The following CAST variants were observed in gnomAD, a reference collection of about 807,000 sequenced individuals.
The protein encoded by CAST is calpastatin, also known as MIR583 host.
CAST carries 76 observed loss-of-function variants against 119.6 expected under a neutral mutation model. That is an observed-to-expected ratio of 0.64 (90% CI 0.53 to 0.77). The LOEUF (loss-of-function observed/expected upper bound fraction) is 0.77. Among genes scored for constraint, CAST ranks in the 30% least tolerant of loss-of-function variants. CAST has a pLI of 0.00. For synonymous variants in CAST, 319 were observed against 331.6 expected (o/e 0.96, Z 0.41); for missense variants, 953 against 946.5 (o/e 1.01, Z -0.09).
chr5:96,157,901 A>G, the CAST span, among the ~76,000 whole-genome samples: 2 of 152,222 alleles, frequency 1.3e-5, no homozygotes, highest in South Asian at 2.1e-4. Context: ...AGCAGTGGTA[A>G]TAAACATTCG....
intron 1 of CAST, among the ~76,000 whole-genome samples, chr5:96,578,476 C>G (rs2150188648): frequency 6.6e-6 from 1 of 151,978 alleles, no homozygotes; most frequent in African/African-American, 2.4e-5. Flanking sequence ...TATTTGTTTT[C>G]TGTTCATTTC....
chr5:96,196,711 G>C, the CAST span, among the ~76,000 whole-genome samples: 5 of 152,210 alleles, frequency 3.3e-5, no homozygotes, highest in Non-Finnish European at 7.4e-5. Flanking sequence ...AGGTCAAAAA[G>C]AAGGCAAGGG....
chr5:96,446,103 T>C, the CAST span, among the ~76,000 whole-genome samples: 27 of 150,272 alleles, frequency 1.8e-4, no homozygotes, highest in African/African-American at 6.6e-4. Context: ...TTCCAAATGA[T>C]ATAGTGACTC....
chr5:96,430,763 A>T, the CAST span, among the ~76,000 whole-genome samples: 1 of 152,214 alleles, frequency 6.6e-6, no homozygotes, highest in Non-Finnish European at 1.5e-5. Flanking sequence ...CATCTTAACT[A>T]AAAATGGTTA....
At chr5:96,296,565 T>A in the CAST span, among the ~76,000 whole-genome samples, 9 of 152,196 alleles carry the variant, frequency 5.9e-5, no homozygotes, top group African/African-American at 2.2e-4. Flanking sequence ...AGAGGATAGG[T>A]CTTTGCTATT....
At chr5:96,411,113 A>G in the CAST span, 8 of 779,304 alleles carry the variant, frequency 1.0e-5, no homozygotes, top group Middle Eastern at 3.6e-4. Context: ...TCTATTTTCA[A>G]TTCCAGATCT....
the CAST span, among the ~76,000 whole-genome samples, chr5:96,375,922 AATATAAATAT>A: frequency 8.2e-3 from 1,210 of 147,510 alleles, 18 homozygotes; most frequent in African/African-American, 0.028. Flanking sequence ...TAAATATATA[AATATAAATAT>A]ATATAAATAT....
chr5:96,108,180 T>A, the CAST span, among the ~76,000 whole-genome samples: 2 of 152,244 alleles, frequency 1.3e-5, no homozygotes, highest in Non-Finnish European at 2.9e-5. Context: ...TGTCCTCCCG[T>A]AGCTTGGAGT....
intron 1 of CAST, among the ~76,000 whole-genome samples, chr5:96,613,480 G>A (rs1043771913): frequency 1.6e-4 from 24 of 152,056 alleles, no homozygotes; most frequent in African/African-American, 5.8e-4. Flanking sequence ...ACAACCCTAT[G>A]AGTTAGATAT....
chr5:96,630,168 T>A (rs555105208), intron 1 of CAST, among the ~76,000 whole-genome samples: 1 of 152,324 alleles, frequency 6.6e-6, no homozygotes, highest in South Asian at 2.1e-4. Context: ...TTACAGTCTA[T>A]GGTTAGAGAC....
chr5:96,381,288 T>C, the CAST span, among the ~76,000 whole-genome samples: 2 of 152,166 alleles, frequency 1.3e-5, no homozygotes, highest in East Asian at 3.8e-4. Flanking sequence ...TGTAATTTTA[T>C]AATTAATAAG....
At chr5:96,014,983 T>C in the CAST span, among the ~76,000 whole-genome samples, 1 of 152,120 alleles carries the variant, frequency 6.6e-6, no homozygotes, top group Non-Finnish European at 1.5e-5. Context: ...TTTACGGGTA[T>C]CAGCTTTTTA....
intron 1 of CAST, among the ~76,000 whole-genome samples, chr5:96,619,957 A>C (rs1747567114): frequency 6.6e-6 from 1 of 152,214 alleles, no homozygotes; most frequent in South Asian, 2.1e-4. Flanking sequence ...CTCCAAGCTC[A>C]AGTTTCCACT....
intron 1 of CAST, among the ~76,000 whole-genome samples, chr5:96,560,830 G>T (rs1294000907): frequency 2.6e-5 from 4 of 152,302 alleles, no homozygotes; most frequent in Middle Eastern, 3.4e-3. Context: ...AATACCATTT[G>T]ACCCAGCCAT....
chr5:96,552,543 G>A (rs1161664775), intron 1 of CAST, among the ~76,000 whole-genome samples: 1 of 152,106 alleles, frequency 6.6e-6, no homozygotes, highest in African/African-American at 2.4e-5. Context: ...TCAAAAGCTA[G>A]CAGAAGACAA....
At chr5:96,170,601 C>T in the CAST span, among the ~76,000 whole-genome samples, 35,113 of 152,042 alleles carry the variant, frequency 0.23, 7,537 homozygotes, top group African/African-American at 0.57. Context: ...GATTGGGTAA[C>T]AAAGTGCATA....
the CAST span, among the ~76,000 whole-genome samples, chr5:96,453,435 T>C: frequency 2.0e-5 from 3 of 152,238 alleles, no homozygotes; most frequent in African/African-American, 7.2e-5. Context: ...GTAAGTATTG[T>C]AAACTGAATC....
At chr5:96,001,399 G>T in the CAST span, among the ~76,000 whole-genome samples, 1 of 152,192 alleles carries the variant, frequency 6.6e-6, no homozygotes, top group Non-Finnish European at 1.5e-5. Context: ...CCAAAGATCA[G>T]CTTAAGGAAT....
At chr5:96,013,877 G>A in the CAST span, among the ~76,000 whole-genome samples, 7 of 152,104 alleles carry the variant, frequency 4.6e-5, no homozygotes, top group African/African-American at 1.4e-4. Context: ...GTCAATAAGT[G>A]AATAGTGAGT....
Sources: gnomAD v4.1 joint callset for allele counts (sites outside exome capture counted in the v4.1 genomes callset) on GRCh38, gnomAD v4.1.1 for gene constraint, MANE v1.5 for transcripts, NCBI Gene and HGNC (gene_info 2026-07-23, HGNC 2026-07-21) for gene names.